The following NRG1 variants were observed in gnomAD, a reference collection of about 807,000 sequenced individuals.
The protein encoded by NRG1 is neuregulin 1.
In NRG1, 18 loss-of-function variants were observed where a neutral mutation model predicts 63.8. The observed-to-expected ratio is 0.28, with a 90% CI of 0.19 to 0.42. The LOEUF (loss-of-function observed/expected upper bound fraction) is 0.42, where lower values mean the gene tolerates loss of function less well. Among genes scored for constraint, NRG1 ranks in the 10% least tolerant of loss-of-function variants. The pLI is 1.00. For synonymous variants in NRG1, 302 were observed against 301.3 expected (o/e 1.00, Z -0.02); for missense variants, 762 against 814.7 (o/e 0.94, Z 0.79).
intron 1 of NRG1, among the ~76,000 whole-genome samples, chr8:31,757,680 G>C (rs1470498296): frequency 6.6e-6 from 1 of 152,016 alleles, no homozygotes; most frequent in African/African-American, 2.4e-5. Context: ...CCTGTAGAGG[G>C]GGAATGCAGA....
chr8:31,894,553 C>T (rs776375), intron 1 of NRG1, among the ~76,000 whole-genome samples: 35,386 of 91,194 alleles, frequency 0.39, 6,542 homozygotes, highest in African/African-American at 0.55. Flanking sequence ...TTTCTTTTTT[C>T]TTTTTTTTTT....
At chr8:32,186,688 A>G (rs1238591403) in intron 1 of NRG1, among the ~76,000 whole-genome samples, 2 of 152,128 alleles carry the variant, frequency 1.3e-5, no homozygotes, top group Non-Finnish European at 2.9e-5. Flanking sequence ...AACCTACTGA[A>G]TTAGAATCTG....
At chr8:32,459,711 C>T (rs1822080266) in intron 1 of NRG1, among the ~76,000 whole-genome samples, 1 of 152,126 alleles carries the variant, frequency 6.6e-6, no homozygotes, top group African/African-American at 2.4e-5. Flanking sequence ...AACTCCCTGT[C>T]CTGGCCCCTA....
At chr8:32,748,812 C>A (rs1589574477) in intron 7 of NRG1, 1 of 424,878 alleles carries the variant, frequency 2.4e-6, no homozygotes, top group East Asian at 7.6e-5. Context: ...GTAGAATTGT[C>A]CTATGCCATA....
At chr8:32,470,664 A>G (rs1823729837) in intron 1 of NRG1, among the ~76,000 whole-genome samples, 1 of 152,178 alleles carries the variant, frequency 6.6e-6, no homozygotes, top group Admixed American at 6.5e-5. Flanking sequence ...GGAGATCACT[A>G]GTTGTGTTTG....
chr8:31,821,893 G>T (rs532821803), intron 1 of NRG1, among the ~76,000 whole-genome samples: 1 of 152,288 alleles, frequency 6.6e-6, no homozygotes, highest in East Asian at 1.9e-4. Flanking sequence ...TAGAAGCCTG[G>T]TTTATGTGTG....
intron 1 of NRG1, among the ~76,000 whole-genome samples, chr8:31,760,233 G>A (rs539018343): frequency 2.9e-4 from 44 of 152,244 alleles, no homozygotes; most frequent in African/African-American, 1.1e-3. Flanking sequence ...TGTATAAGGT[G>A]TAAGGAAGGG....
At chr8:32,457,129 C>CA (rs1235801974) in intron 1 of NRG1, among the ~76,000 whole-genome samples, 1 of 151,882 alleles carries the variant, frequency 6.6e-6, no homozygotes, top group Non-Finnish European at 1.5e-5. Context: ...GAGACTTTCT[C>CA]AAAAAAATAA....
In NRG1 at chr8:32,764,737, A is replaced by G; in HGVS notation, c.*335A>G. The G allele has an allele frequency of 1.6e-5, 3 of 184,844 alleles. No individual in the cohort carries two copies. In the East Asian group the frequency reaches 4.5e-4, roughly 27 times the overall value. 11.5% of individuals were successfully genotyped at this position (184,844 alleles called of 1,614,324 possible). A position where few individuals can be genotyped will look rare whatever the true frequency, so the allele number is the denominator to read the frequency against. ...TTGCTGGCTTCTTGTGCATTGCATTATGATGTTGACTGGATGTATGATTTG... is the reference window on the plus strand; with the variant it reads ...TTGCTGGCTTCTTGTGCATTGCATTGTGATGTTGACTGGATGTATGATTTG... On this transcript the variant is annotated 3_prime_UTR_variant, in exon 12 of 12. Transcript: ENST00000356819.
chr8:31,703,369 C>T (rs1275702967), intron 1 of NRG1, among the ~76,000 whole-genome samples: 1 of 151,914 alleles, frequency 6.6e-6, no homozygotes, highest in African/African-American at 2.4e-5. Context: ...TTAAAATAAA[C>T]ATGTCTCTGC....
chr8:31,772,223 T>C (rs73673313), intron 1 of NRG1, among the ~76,000 whole-genome samples: 1,574 of 152,316 alleles, frequency 0.01, 34 homozygotes, highest in African/African-American at 0.036. Flanking sequence ...TTTGTCTTCT[T>C]TAAATGATTT....
intron 1 of NRG1, among the ~76,000 whole-genome samples, chr8:32,534,400 A>G (rs1831754004): frequency 6.6e-6 from 1 of 152,116 alleles, no homozygotes; most frequent in Admixed American, 6.5e-5. Flanking sequence ...TTTTGGAGGC[A>G]TTTTCTTAAA....
intron 1 of NRG1, among the ~76,000 whole-genome samples, chr8:32,398,788 A>G (rs1190706271): frequency 3.3e-5 from 5 of 152,144 alleles, no homozygotes; most frequent in Non-Finnish European, 4.4e-5. Context: ...GGTGCAAGTT[A>G]TCTCCCAATT....
chr8:32,343,261 T>C (rs1222150086), intron 1 of NRG1, among the ~76,000 whole-genome samples: 1 of 152,204 alleles, frequency 6.6e-6, no homozygotes, highest in Non-Finnish European at 1.5e-5. Context: ...TCAACTTTGA[T>C]TTTACATGTC....
intron 1 of NRG1, among the ~76,000 whole-genome samples, chr8:32,447,514 A>G (rs190521237): frequency 3.9e-5 from 6 of 152,296 alleles, no homozygotes; most frequent in Admixed American, 3.3e-4. Flanking sequence ...TAGAATAGCA[A>G]GAGACATGTT....
chr8:31,937,433 C>T lies in NRG1; in HGVS notation c.37+298002C>T, dbSNP rs114443754. ...AAAAGATTTTAAGTATTAGGGATGACTTGCAAAATCTCAGAGGTAAAGGTA... is the reference window on the plus strand; with the variant it reads ...AAAAGATTTTAAGTATTAGGGATGATTTGCAAAATCTCAGAGGTAAAGGTA... On this transcript the variant is annotated intron_variant, in intron 1 of 10. Transcript: ENST00000519301. Among the ~76,000 whole-genome samples the T allele has an allele frequency of 2.8e-3, 432 of 152,096 alleles. 1 individual carries two copies. Among genetic ancestry groups the T allele is most frequent in the African/African-American group, 0.01 (419 of 41,480 alleles).
At chr8:32,107,245 C>T (rs1213227501) in intron 1 of NRG1, among the ~76,000 whole-genome samples, 1 of 151,842 alleles carries the variant, frequency 6.6e-6, no homozygotes, top group Admixed American at 6.6e-5. Flanking sequence ...TGAAATTTAT[C>T]GGAGAAAACA....
intron 1 of NRG1, among the ~76,000 whole-genome samples, chr8:31,859,097 C>A (rs1275204985): frequency 6.6e-6 from 1 of 152,020 alleles, no homozygotes; most frequent in Non-Finnish European, 1.5e-5. Context: ...ATGTGTTTGA[C>A]CCTAGTTATA....
intron 1 of NRG1, among the ~76,000 whole-genome samples, chr8:32,103,472 G>A (rs547270302): frequency 6.6e-6 from 1 of 152,306 alleles, no homozygotes; most frequent in South Asian, 2.1e-4. Flanking sequence ...ATTGGCTATT[G>A]TGAACAGTGC....
Sources: gnomAD v4.1 joint callset for allele counts (sites outside exome capture counted in the v4.1 genomes callset) on GRCh38, gnomAD v4.1.1 for gene constraint, MANE v1.5 for transcripts, NCBI Gene and HGNC (gene_info 2026-07-23, HGNC 2026-07-21) for gene names.